The following NUP210L variants were observed in gnomAD, a reference collection of about 807,000 sequenced individuals.
NUP210L encodes the protein nucleoporin 210 like.
In NUP210L, 74 loss-of-function variants were observed where a neutral mutation model predicts 208.5. That is an observed-to-expected ratio of 0.35 (90% confidence interval 0.29 to 0.43). The LOEUF (loss-of-function observed/expected upper bound fraction) is 0.43. Ranked by LOEUF, NUP210L falls within the 20% of genes least tolerant of loss-of-function variation. NUP210L has a pLI of 1.00. For missense variants in NUP210L, 1,843 were observed against 2,289.4 expected, an observed-to-expected ratio of 0.81 and a Z score of 3.98; for synonymous variants, 780 against 816.9, an observed-to-expected ratio of 0.95 and a Z score of 0.77.
At chr1:154,028,884 T>G (rs534063980) in intron 28 of NUP210L, among the ~76,000 whole-genome samples, 1 of 150,408 alleles carries the variant, frequency 6.6e-6, no homozygotes, top group Non-Finnish European at 1.5e-5. Flanking sequence ...CACTTGAGGT[T>G]AGGAGTTTGA....
At chr1:153,992,858 A>T in exon 40 of NUP210L, 1 of 1,613,148 alleles carries the variant, frequency 6.2e-7, no homozygotes, top group African/African-American at 1.3e-5. Context: ...CTCCATAACC[A>T]ATGTTGCAGC....
chr1:154,083,903 C>T (rs1429319733), intron 16 of NUP210L, among the ~76,000 whole-genome samples: 1 of 151,828 alleles, frequency 6.6e-6, no homozygotes, highest in Non-Finnish European at 1.5e-5. Context: ...GGGTGGCTAC[C>T]TTGTCATGAA....
chr1:153,992,948 G>A lies in NUP210L; in HGVS notation c.5567-13C>T. 6.2e-7 allele frequency: 1 copy of A among 1,609,054 alleles called. No homozygotes were observed. The highest frequency in any genetic ancestry group is 8.5e-7 in the Non-Finnish European group (1 of 1,177,650). On this transcript the variant is annotated splice_polypyrimidine_tract_variant and intron_variant, in intron 39 of 39. Transcript: ENST00000368559. ...GAGTTAAAAAAACCTAGAAGAAGAG[G>A]GAAAAGTTGAGTGAATTAAACGTGT...
chr1:154,004,607 C>T (rs1449429061), intron 35 of NUP210L, among the ~76,000 whole-genome samples: 6 of 151,934 alleles, frequency 3.9e-5, no homozygotes, highest in Non-Finnish European at 7.4e-5. Context: ...CTGCCCACCT[C>T]AGCCTCCCAA....
intron 16 of NUP210L, 92 bp from the exon 17 acceptor site, chr1:154,070,557 C>T: frequency 2.3e-6 from 2 of 866,354 alleles, no homozygotes; most frequent in Non-Finnish European, 3.3e-6. Flanking sequence ...ATCGAGTTTT[C>T]TCTCAATATT....
At chr1:154,134,050 C>T (rs966125236) in intron 7 of NUP210L, among the ~76,000 whole-genome samples, 1 of 150,004 alleles carries the variant, frequency 6.7e-6, no homozygotes, top group South Asian at 2.1e-4. Context: ...CTTAGGAGGC[C>T]GAGGCAGGAG....
chr1:154,100,927 C>T (rs1189553482), intron 13 of NUP210L, among the ~76,000 whole-genome samples: 3 of 152,036 alleles, frequency 2.0e-5, no homozygotes, highest in Admixed American at 6.6e-5. Flanking sequence ...AATCCCAACA[C>T]TTTGGAAGGC....
intron 15 of NUP210L, among the ~76,000 whole-genome samples, chr1:154,092,035 T>C (rs1227016561): frequency 1.3e-5 from 2 of 151,612 alleles, no homozygotes; most frequent in Admixed American, 6.6e-5. Context: ...AGATTGGTGG[T>C]TGCCAGGGAC....
At chr1:154,067,416 T>C (rs1654475734) in intron 17 of NUP210L, among the ~76,000 whole-genome samples, 1 of 152,114 alleles carries the variant, frequency 6.6e-6, no homozygotes, top group African/African-American at 2.4e-5. Flanking sequence ...AAAACTCTTA[T>C]TAAACTAGGT....
At chr1:154,110,366 G>C (rs1168168751) in intron 12 of NUP210L, among the ~76,000 whole-genome samples, 1 of 149,930 alleles carries the variant, frequency 6.7e-6, no homozygotes, top group East Asian at 2.0e-4. Context: ...CCACCTCCTG[G>C]GTTCAAGCAA....
chr1:154,033,522 A>G (rs1305357649), intron 27 of NUP210L, among the ~76,000 whole-genome samples: 1 of 152,108 alleles, frequency 6.6e-6, no homozygotes, highest in African/African-American at 2.4e-5. Flanking sequence ...CGCAATGTGT[A>G]TTCTTGGCAC....
intron 8 of NUP210L, among the ~76,000 whole-genome samples, chr1:154,128,658 C>A (rs1485542269): frequency 6.6e-6 from 1 of 152,140 alleles, no homozygotes; most frequent in African/African-American, 2.4e-5. Context: ...TGAGACCAGC[C>A]TGGGCAATGT....
At chr1:154,111,410 T>C (rs1005097317) in intron 12 of NUP210L, among the ~76,000 whole-genome samples, 2 of 150,016 alleles carry the variant, frequency 1.3e-5, no homozygotes, top group African/African-American at 2.5e-5. Context: ...ATAAAATATA[T>C]AAATAATAAA....
At chr1:154,043,021 CTTT>C (rs34453410) in intron 27 of NUP210L, among the ~76,000 whole-genome samples, 29 of 126,802 alleles carry the variant, frequency 2.3e-4, no homozygotes, top group Admixed American at 3.3e-4. Flanking sequence ...CCATTAAGAC[CTTT>C]TTTTTTTTTT....
intron 10 of NUP210L, 137 bp downstream of exon 10, chr1:154,126,186 T>G: frequency 4.4e-6 from 3 of 683,350 alleles, no homozygotes; most frequent in Non-Finnish European, 7.5e-6. Flanking sequence ...AGGTATACAC[T>G]TACGAATTTG....
At chr1:154,040,094 G>A (rs1652786540) in intron 27 of NUP210L, 2 of 152,126 alleles carry the variant, frequency 1.3e-5, no homozygotes, top group African/African-American at 4.8e-5. Flanking sequence ...ACAGTCATAG[G>A]TCACTGCAGC....
chr1:154,081,979 T>C (rs1655356351), intron 16 of NUP210L, among the ~76,000 whole-genome samples: 1 of 152,098 alleles, frequency 6.6e-6, no homozygotes. Context: ...AGACCCTGTG[T>C]CAAAAAACAA....
intron 35 of NUP210L, 88 bp from the exon 36 acceptor site, chr1:154,002,073 A>T (rs1461902716): frequency 1.1e-4 from 149 of 1,339,606 alleles, no homozygotes; most frequent in Non-Finnish European, 1.0e-6. Flanking sequence ...AAATTGTGAC[A>T]TGCAAATTCA....
At chr1:154,026,489 C>T (rs1651883330) in intron 29 of NUP210L, among the ~76,000 whole-genome samples, 1 of 151,914 alleles carries the variant, frequency 6.6e-6, no homozygotes, top group Admixed American at 6.6e-5. Flanking sequence ...GCTGGGATTA[C>T]AGGCATGTGC....
Sources: allele counts gnomAD v4.1 joint callset (sites outside exome capture counted in the v4.1 genomes callset), GRCh38; gene constraint gnomAD v4.1.1; transcripts MANE v1.5; gene names NCBI Gene and HGNC (gene_info 2026-07-23, HGNC 2026-07-21).